KCNH7: variants seen among roughly 807,000 people sequenced by gnomAD.
KCNH7 encodes potassium voltage-gated channel subfamily H member 7, also known as voltage-gated inwardly rectifying potassium channel KCNH7.
Under a neutral mutation model 120.8 loss-of-function variants are expected in KCNH7, and 49 were observed. The ratio of observed to expected loss-of-function variants is 0.41; its 90% CI spans 0.32 to 0.51. The LOEUF is 0.51. KCNH7 is among the 20% of genes least tolerant of loss of function. KCNH7 has a pLI of 0.38. For synonymous variants in KCNH7, 547 were observed against 516.1 expected (o/e 1.06, Z -0.81); for missense variants, 1,097 against 1,446.6 (o/e 0.76, Z 3.92).
intron 13 of KCNH7, 117 bp downstream of exon 13, chr2:162,384,571 T>G: frequency 9.7e-7 from 1 of 1,028,674 alleles, no homozygotes; most frequent in Non-Finnish European, 1.4e-6. Flanking sequence ...CGCGAACATT[T>G]CATGAAGTTG....
At chr2:162,516,047 C>T (rs115689849) in intron 4 of KCNH7, among the ~76,000 whole-genome samples, 1 of 151,852 alleles carries the variant, frequency 6.6e-6, no homozygotes, top group Non-Finnish European at 1.5e-5. Context: ...TGAAACAGAA[C>T]TCGCAAGCAC....
intron 3 of KCNH7, among the ~76,000 whole-genome samples, chr2:162,533,967 C>T (rs1235395642): frequency 6.6e-6 from 1 of 151,170 alleles, no homozygotes; most frequent in East Asian, 1.9e-4. Context: ...ATAATACAAA[C>T]AGCATTTTAT....
chr2:162,636,092 C>T (rs1574201336), intron 2 of KCNH7, among the ~76,000 whole-genome samples: 1 of 151,956 alleles, frequency 6.6e-6, no homozygotes, highest in Non-Finnish European at 1.5e-5. Context: ...AAAATGTATC[C>T]CTTCCAAATT....
chr2:162,798,814 G>A (rs1220556947), intron 2 of KCNH7, among the ~76,000 whole-genome samples: 1 of 151,870 alleles, frequency 6.6e-6, no homozygotes, highest in African/African-American at 2.4e-5. Flanking sequence ...TCCTTATCAA[G>A]TGCGTAGTGC....
chr2:162,817,539 T>C (rs1268362078), intron 2 of KCNH7, among the ~76,000 whole-genome samples: 1 of 152,160 alleles, frequency 6.6e-6, no homozygotes, highest in East Asian at 1.9e-4. Flanking sequence ...TTCATATAAA[T>C]CATTTGTGGA....
intron 2 of KCNH7, among the ~76,000 whole-genome samples, chr2:162,557,332 C>T (rs763038071): frequency 1.6e-4 from 24 of 152,124 alleles, no homozygotes; most frequent in Admixed American, 3.3e-4. Flanking sequence ...AATGGGCGTT[C>T]AATTGCAAAC....
At chr2:162,748,463 T>A (rs1048218693) in intron 2 of KCNH7, among the ~76,000 whole-genome samples, 2 of 152,198 alleles carry the variant, frequency 1.3e-5, no homozygotes, top group East Asian at 3.9e-4. Flanking sequence ...TGAACAATTT[T>A]TTTTTGTGTG....
At chr2:162,570,110 G>A (rs1355312767) in intron 2 of KCNH7, among the ~76,000 whole-genome samples, 1 of 148,786 alleles carries the variant, frequency 6.7e-6, no homozygotes, top group Non-Finnish European at 1.5e-5. Flanking sequence ...TCGTTGATCT[G>A]TCTAATGTTG....
chr2:162,783,629 A>C (rs1251295266), intron 2 of KCNH7, among the ~76,000 whole-genome samples: 1 of 152,154 alleles, frequency 6.6e-6, no homozygotes, highest in Non-Finnish European at 1.5e-5. Flanking sequence ...ACAAAGATAT[A>C]TTTGCTAGTC....
intron 10 of KCNH7, among the ~76,000 whole-genome samples, chr2:162,397,452 G>T (rs1259711484): frequency 6.6e-6 from 1 of 151,718 alleles, no homozygotes; most frequent in Non-Finnish European, 1.5e-5. Context: ...AACCACTTTT[G>T]AATCTGCCCT....
intron 2 of KCNH7, among the ~76,000 whole-genome samples, chr2:162,696,086 G>A (rs895438044): frequency 3.9e-5 from 6 of 152,128 alleles, no homozygotes; most frequent in Non-Finnish European, 8.8e-5. Flanking sequence ...ACTAACGAAG[G>A]TGTAGAAATA....
At chr2:162,454,992 G>A (rs1315002560) in intron 6 of KCNH7, among the ~76,000 whole-genome samples, 1 of 152,054 alleles carries the variant, frequency 6.6e-6, no homozygotes, top group Non-Finnish European at 1.5e-5. Flanking sequence ...GGAGTGGTGA[G>A]AGAGGGCATC....
intron 2 of KCNH7, among the ~76,000 whole-genome samples, chr2:162,624,830 G>T (rs928211717): frequency 6.7e-6 from 1 of 149,718 alleles, no homozygotes; most frequent in Admixed American, 6.7e-5. Context: ...TTCATATTAC[G>T]CCACCAAAGG....
intron 2 of KCNH7, among the ~76,000 whole-genome samples, chr2:162,798,395 T>C (rs1684222441): frequency 1.3e-5 from 2 of 152,100 alleles, no homozygotes; most frequent in African/African-American, 4.8e-5. Context: ...ATTAATATGG[T>C]AGGATTCTTA....
At chr2:162,748,688 C>T (rs1688400112) in intron 2 of KCNH7, among the ~76,000 whole-genome samples, 1 of 152,174 alleles carries the variant, frequency 6.6e-6, no homozygotes, top group Non-Finnish European at 1.5e-5. Context: ...TTACAAGTTG[C>T]TGTTCTCTTC....
At chr2:162,793,641 A>G (rs1684035634) in intron 2 of KCNH7, among the ~76,000 whole-genome samples, 1 of 151,940 alleles carries the variant, frequency 6.6e-6, no homozygotes, top group African/African-American at 2.4e-5. Context: ...ACTCAAAGCT[A>G]TCTACAGATT....
At chr2:162,795,139 T>C (rs1053281175) in intron 2 of KCNH7, among the ~76,000 whole-genome samples, 1 of 152,064 alleles carries the variant, frequency 6.6e-6, no homozygotes, top group African/African-American at 2.4e-5. Flanking sequence ...CATTAATTAA[T>C]TGTATATTGA....
At chr2:162,400,516 C>G in intron 9 of KCNH7, 75 bp from the exon 10 acceptor site, 1 of 1,468,130 alleles carries the variant, frequency 6.8e-7, no homozygotes, top group Non-Finnish European at 9.4e-7. Flanking sequence ...CAATTTCTTG[C>G]TCACAGAACT....
intron 2 of KCNH7, among the ~76,000 whole-genome samples, chr2:162,682,278 A>G (rs939156783): frequency 6.6e-6 from 1 of 151,798 alleles, no homozygotes; most frequent in South Asian, 2.1e-4. Flanking sequence ...GAATGATAAC[A>G]CATACATGTG....
Sources: gnomAD v4.1 joint callset for allele counts (sites outside exome capture counted in the v4.1 genomes callset) on GRCh38, gnomAD v4.1.1 for gene constraint, MANE v1.5 for transcripts, NCBI Gene and HGNC (gene_info 2026-07-23, HGNC 2026-07-21) for gene names.